Variants in CSMD1 observed in about 807,000 individuals in gnomAD.
The protein encoded by CSMD1 is CUB and Sushi multiple domains 1.
CSMD1 carries 213 observed loss-of-function variants against 417.5 expected under a neutral mutation model. The ratio of observed to expected loss-of-function variants is 0.51; its 90% CI spans 0.46 to 0.57. The LOEUF (loss-of-function observed/expected upper bound fraction) is 0.57. Ranked by LOEUF, CSMD1 falls within the 20% of genes least tolerant of loss-of-function variation. The pLI is 0.00. For missense variants in CSMD1, 6,923 were observed against 4,529.7 expected, an observed-to-expected ratio of 1.53 and a Z score of -15.17; for synonymous variants, 2,862 against 1,736.8, an observed-to-expected ratio of 1.65 and a Z score of -16.11.
chr8:4,073,981 T>C (rs1359913853), intron 3 of CSMD1, among the ~76,000 whole-genome samples: 1 of 152,136 alleles, frequency 6.6e-6, no homozygotes, highest in African/African-American at 2.4e-5. Flanking sequence ...ATCTTTGTCA[T>C]TGGCTTTGGG....
chr8:2,998,157 G>C lies in CSMD1; in HGVS notation c.8231C>G (p.Pro2744Arg), dbSNP rs1296018102. Residue 2744 changes from proline to arginine, a missense_variant, in exon 54 of 70, where the codon CCT (proline) becomes CGT (arginine). Coordinates refer to ENST00000635120, the MANE Select transcript of CSMD1 (RefSeq NM_033225.6). Reference protein sequence around the residue: ...VPITCGHPGNPAHGFTNGSEF... With the variant: ...VPITCGHPGNRAHGFTNGSEF... ...ACTGCCATTAGTGAATCCGTGGGCA[G>C]GGTTTCCAGGGTGACCACATGTGAT... 3 of 1,614,016 alleles carry C rather than the reference G, an allele frequency of 1.9e-6. No homozygotes were observed. Among genetic ancestry groups the C allele is most frequent in the African/African-American group, 2.7e-5 (2 of 75,068 alleles).
chr8:4,170,714 A>T lies in CSMD1; in HGVS notation c.416-138615T>A, dbSNP rs561742180. Among the ~76,000 whole-genome samples the T allele has an allele frequency of 5.2e-4, 79 of 151,862 alleles. 2 individuals are homozygous for T. Among genetic ancestry groups the T allele is most frequent in the African/African-American group, 1.9e-3 (79 of 41,184 alleles). On this transcript the variant is annotated intron_variant, in intron 3 of 69. Coordinates refer to ENST00000635120, the MANE Select transcript of CSMD1 (RefSeq NM_033225.6). ...ACAAAAGTAAACTGATATAGCTAGC[A>T]TGTGGATTTTTTTTTTTCTAAATTA...
chr8:3,282,228 G>T (rs183815615), intron 26 of CSMD1, among the ~76,000 whole-genome samples: 2 of 152,212 alleles, frequency 1.3e-5, no homozygotes, highest in East Asian at 3.9e-4. Flanking sequence ...ATAATGATGG[G>T]TCAGTGTAGG....
chr8:4,651,891 G>A (rs907068395), intron 1 of CSMD1, among the ~76,000 whole-genome samples: 2 of 152,172 alleles, frequency 1.3e-5, no homozygotes, highest in African/African-American at 4.8e-5. Context: ...GTTAGGGAGA[G>A]ACATTAGATT....
chr8:4,991,533 G>T (rs534972408), intron 1 of CSMD1, among the ~76,000 whole-genome samples: 1 of 152,264 alleles, frequency 6.6e-6, no homozygotes, highest in African/African-American at 2.4e-5. Flanking sequence ...TCGCCACAGC[G>T]GGAGCCGCCA....
intron 1 of CSMD1, among the ~76,000 whole-genome samples, chr8:4,829,054 A>G (rs891741399): frequency 1.8e-4 from 28 of 152,198 alleles, no homozygotes; most frequent in Non-Finnish European, 4.0e-4. Flanking sequence ...TGATAACTTA[A>G]TAGGTTACCT....
intron 1 of CSMD1, among the ~76,000 whole-genome samples, chr8:4,970,482 A>T (rs1355386570): frequency 6.6e-6 from 1 of 152,164 alleles, no homozygotes; most frequent in Non-Finnish European, 1.5e-5. Context: ...GAGCTCCATT[A>T]TAACCCCATT....
At chr8:3,901,287 C>A (rs772213591) in intron 5 of CSMD1, among the ~76,000 whole-genome samples, 6 of 152,034 alleles carry the variant, frequency 3.9e-5, no homozygotes, top group African/African-American at 1.5e-4. Context: ...CCACTTTTTC[C>A]CTTTTTCTTT....
At chr8:3,487,121 T>A (rs1166582312) in intron 11 of CSMD1, among the ~76,000 whole-genome samples, 8 of 152,198 alleles carry the variant, frequency 5.3e-5, no homozygotes, top group Admixed American at 3.9e-4. Flanking sequence ...GTACTAGCAT[T>A]ATACAGAAAT....
intron 3 of CSMD1, among the ~76,000 whole-genome samples, chr8:4,165,624 A>T: frequency 6.6e-6 from 1 of 152,130 alleles, no homozygotes; most frequent in Non-Finnish European, 1.5e-5. Context: ...GCTTGGCTTG[A>T]ACTCCTTGAC....
chr8:4,305,463 A>G (rs1211312934), intron 3 of CSMD1, among the ~76,000 whole-genome samples: 1 of 152,218 alleles, frequency 6.6e-6, no homozygotes, highest in Non-Finnish European at 1.5e-5. Context: ...AGCAGCTGGA[A>G]TCACTGTAAA....
intron 3 of CSMD1, among the ~76,000 whole-genome samples, chr8:4,409,816 T>C (rs2915066): frequency 0.025 from 3,810 of 152,212 alleles, 55 homozygotes; most frequent in South Asian, 0.049. Context: ...ACCGTACTTT[T>C]AGTTTGTTTG....
At chr8:3,969,185 G>C (rs961249989) in intron 5 of CSMD1, among the ~76,000 whole-genome samples, 2 of 152,160 alleles carry the variant, frequency 1.3e-5, no homozygotes, top group Non-Finnish European at 2.9e-5. Flanking sequence ...GGGAGGCAGT[G>C]GTTGCAGTGA....
At chr8:4,015,869 G>C (rs1796498165) in intron 4 of CSMD1, among the ~76,000 whole-genome samples, 1 of 152,100 alleles carries the variant, frequency 6.6e-6, no homozygotes, top group African/African-American at 2.4e-5. Context: ...CGTTTTCTAT[G>C]GTTTACATCT....
At chr8:3,588,610 T>C (rs1800705108) in intron 8 of CSMD1, among the ~76,000 whole-genome samples, 1 of 152,158 alleles carries the variant, frequency 6.6e-6, no homozygotes, top group African/African-American at 2.4e-5. Flanking sequence ...TGCATTTTTT[T>C]CCTACATCCA....
chr8:4,863,989 C>A (rs1444001750), intron 1 of CSMD1, among the ~76,000 whole-genome samples: 1 of 151,950 alleles, frequency 6.6e-6, no homozygotes, highest in African/African-American at 2.4e-5. Context: ...ATATTTTATT[C>A]AGTACATGTC....
chr8:4,356,717 T>G (rs1474831720), intron 3 of CSMD1, among the ~76,000 whole-genome samples: 1 of 152,100 alleles, frequency 6.6e-6, no homozygotes, highest in Non-Finnish European at 1.5e-5. Flanking sequence ...TGCTCTCCAA[T>G]GGAGAGGTAC....
chr8:3,507,226 T>C (rs1796864264), intron 10 of CSMD1, among the ~76,000 whole-genome samples: 2 of 152,192 alleles, frequency 1.3e-5, no homozygotes, highest in Admixed American at 1.3e-4. Context: ...TTAGGTAACC[T>C]ATACAATATT....
At chr8:2,993,672 A>G (rs746460553) in intron 54 of CSMD1, among the ~76,000 whole-genome samples, 8 of 152,194 alleles carry the variant, frequency 5.3e-5, no homozygotes, top group Non-Finnish European at 7.4e-5. Context: ...CCTCTAGTGT[A>G]AAATACAAAG....
Sources: allele counts gnomAD v4.1 joint callset (sites outside exome capture counted in the v4.1 genomes callset), GRCh38; gene constraint gnomAD v4.1.1; transcripts MANE v1.5; gene names NCBI Gene and HGNC (gene_info 2026-07-23, HGNC 2026-07-21).